SUGCT: variants seen among roughly 807,000 people sequenced by gnomAD.
SUGCT encodes succinyl-CoA:glutarate CoA-transferase.
In SUGCT, 41 loss-of-function variants were observed where a neutral mutation model predicts 55.0. The ratio of observed to expected loss-of-function variants is 0.74; its 90% CI spans 0.58 to 0.97. SUGCT has a LOEUF of 0.97. Among genes scored for constraint, SUGCT ranks in the 50% least tolerant of loss-of-function variants. SUGCT has a pLI of 0.00. For synonymous variants in SUGCT, 187 were observed against 200.4 expected (o/e 0.93, Z 0.56); for missense variants, 568 against 547.8 (o/e 1.04, Z -0.37).
chr7:40,242,399 T>C (rs548884978), intron 7 of SUGCT, among the ~76,000 whole-genome samples: 1 of 152,252 alleles, frequency 6.6e-6, no homozygotes, highest in Admixed American at 6.5e-5. Flanking sequence ...CTTGAACTCC[T>C]GACCTCAAGT....
Position 40,449,363 on chromosome 7 carries a change from T to A in SUGCT, c.888+5T>A, listed in dbSNP as rs1409787167. On this transcript the variant is annotated splice_donor_5th_base_variant and intron_variant, in intron 10 of 13. Transcript: ENST00000335693. ...CAGTTTGCCACCGTCTGCAAGGTAA[T>A]CTATAATTATTGGGATTGGTCGATG... 4 of 1,603,352 alleles carry A rather than the reference T, an allele frequency of 2.5e-6. No homozygotes were observed. Among genetic ancestry groups the A allele is most frequent in the Non-Finnish European group, 3.4e-6 (4 of 1,171,590 alleles).
intron 9 of SUGCT, among the ~76,000 whole-genome samples, chr7:40,331,691 G>GA (rs1318631409): frequency 1.3e-5 from 2 of 152,136 alleles, no homozygotes; most frequent in Non-Finnish European, 2.9e-5. Flanking sequence ...TGGAGCTCTG[G>GA]GTCATGGAGA....
chr7:40,742,233 A>G (rs1186077038), intron 12 of SUGCT, among the ~76,000 whole-genome samples: 2 of 152,148 alleles, frequency 1.3e-5, no homozygotes, highest in African/African-American at 4.8e-5. Context: ...GAAAAAGGCT[A>G]TGTCAGGTGC....
chr7:40,537,359 A>T (rs566928627), intron 12 of SUGCT, among the ~76,000 whole-genome samples: 1 of 152,142 alleles, frequency 6.6e-6, no homozygotes, highest in Non-Finnish European at 1.5e-5. Context: ...AAAAAATGCT[A>T]TTTTTTATAT....
At chr7:40,465,510 C>T (rs1288915570) in intron 11 of SUGCT, among the ~76,000 whole-genome samples, 3 of 151,892 alleles carry the variant, frequency 2.0e-5, no homozygotes, top group African/African-American at 4.8e-5. Flanking sequence ...CTCGAGAAGC[C>T]GAGGAAGGAG....
chr7:40,390,846 A>T (rs1324269338), intron 9 of SUGCT, among the ~76,000 whole-genome samples: 1 of 152,222 alleles, frequency 6.6e-6, no homozygotes, highest in Non-Finnish European at 1.5e-5. Context: ...AGCCAAAAGA[A>T]CAAAGCTGGA....
chr7:40,537,725 T>G (rs189975042), intron 12 of SUGCT, among the ~76,000 whole-genome samples: 3 of 152,326 alleles, frequency 2.0e-5, no homozygotes, highest in Non-Finnish European at 1.5e-5. Flanking sequence ...TATTAAACAC[T>G]TTTCCTAGTT....
chr7:40,778,505 T>C (rs1167896284), intron 13 of SUGCT, among the ~76,000 whole-genome samples: 3 of 152,238 alleles, frequency 2.0e-5, no homozygotes, highest in Non-Finnish European at 4.4e-5. Context: ...ACTCATTTTT[T>C]CTGTAATTGT....
intron 11 of SUGCT, among the ~76,000 whole-genome samples, chr7:40,470,747 G>GTCTCTCTCTCTC (rs34012862): frequency 1.5e-3 from 214 of 146,378 alleles, no homozygotes; most frequent in African/African-American, 4.8e-3. Flanking sequence ...TAAGTGAACA[G>GTCTCTCTCTCTC]TCTCTCTCTC....
chr7:40,537,430 A>G (rs1311437039), intron 12 of SUGCT, among the ~76,000 whole-genome samples: 2 of 152,316 alleles, frequency 1.3e-5, no homozygotes, highest in African/African-American at 2.4e-5. Context: ...TTTATTAACA[A>G]AATAGCCACT....
chr7:40,276,817 G>GTGTGTGTGTGTC (rs776466354), intron 8 of SUGCT, among the ~76,000 whole-genome samples: 1 of 150,460 alleles, frequency 6.6e-6, no homozygotes, highest in South Asian at 2.1e-4. Context: ...GTGTGTGTGT[G>GTGTGTGTGTGTC]TGTCTGTCTG....
At chr7:40,876,933 C>G in the SUGCT span, among the ~76,000 whole-genome samples, 1 of 152,140 alleles carries the variant, frequency 6.6e-6, no homozygotes, top group African/African-American at 2.4e-5. Flanking sequence ...CTAATTTCCC[C>G]GAGATCTTTT....
At chr7:40,843,125 T>C (rs1359345726) in intron 13 of SUGCT, among the ~76,000 whole-genome samples, 1 of 152,096 alleles carries the variant, frequency 6.6e-6, no homozygotes, top group Non-Finnish European at 1.5e-5. Context: ...AGATAAAGAA[T>C]GGTAGATGTA....
At chr7:40,615,069 A>G (rs534699027) in intron 12 of SUGCT, among the ~76,000 whole-genome samples, 2 of 152,078 alleles carry the variant, frequency 1.3e-5, no homozygotes, top group Non-Finnish European at 1.5e-5. Flanking sequence ...AGAAAAAAAA[A>G]AAAGAAAGAA....
At chr7:40,337,716 T>C (rs1006333361) in intron 9 of SUGCT, among the ~76,000 whole-genome samples, 2 of 152,218 alleles carry the variant, frequency 1.3e-5, no homozygotes, top group Non-Finnish European at 2.9e-5. Context: ...TGCCAGTCTG[T>C]GTCTTTTAAT....
At chr7:40,553,280 T>A (rs775954198) in intron 12 of SUGCT, among the ~76,000 whole-genome samples, 2 of 152,156 alleles carry the variant, frequency 1.3e-5, no homozygotes, top group Non-Finnish European at 2.9e-5. Context: ...TCCTAGGAAT[T>A]AACTAAGGGT....
intron 7 of SUGCT, among the ~76,000 whole-genome samples, chr7:40,247,136 G>A (rs948478968): frequency 2.6e-5 from 4 of 152,118 alleles, no homozygotes; most frequent in Admixed American, 6.5e-5. Context: ...AAAAACTAAC[G>A]GGTCACAGGG....
At chr7:40,816,631 TCA>T (rs1281333728) in intron 13 of SUGCT, among the ~76,000 whole-genome samples, 1 of 152,228 alleles carries the variant, frequency 6.6e-6, no homozygotes, top group Non-Finnish European at 1.5e-5. Flanking sequence ...GAATGAAAGT[TCA>T]CAGAGTTGAT....
chr7:40,940,052 A>G, the SUGCT span, among the ~76,000 whole-genome samples: 1 of 152,106 alleles, frequency 6.6e-6, no homozygotes, highest in Admixed American at 6.6e-5. Context: ...TGATTTTTGT[A>G]TGTGGTGAGA....
Sources: allele counts gnomAD v4.1 joint callset (sites outside exome capture counted in the v4.1 genomes callset), GRCh38; gene constraint gnomAD v4.1.1; transcripts MANE v1.5; gene names NCBI Gene and HGNC (gene_info 2026-07-23, HGNC 2026-07-21).